Variants in ZNF45 observed in about 807,000 individuals in gnomAD.
ZNF45 encodes zinc finger protein 45.
In ZNF45, 4 loss-of-function variants were observed where a neutral mutation model predicts 12.0. The ratio of observed to expected loss-of-function variants is 0.33; its 90% CI spans 0.16 to 0.76. The LOEUF (loss-of-function observed/expected upper bound fraction) is 0.76, where lower values mean the gene tolerates loss of function less well. Ranked by LOEUF, ZNF45 falls within the 30% of genes least tolerant of loss-of-function variation. ZNF45 has a pLI of 0.60. For synonymous variants in ZNF45, 272 were observed against 279.6 expected (o/e 0.97, Z 0.27); for missense variants, 700 against 813.0 (o/e 0.86, Z 1.69).
chr19:43,927,613 AG>A (rs1973793796), intron 3 of ZNF45, among the ~76,000 whole-genome samples: 1 of 152,200 alleles, frequency 6.6e-6, no homozygotes, highest in Non-Finnish European at 1.5e-5. Context: ...AGATGAAAGG[AG>A]GGGCTGTCAC....
Position 43,915,087 on chromosome 19 carries a change from T to C in ZNF45, c.349A>G (p.Lys117Glu). 1 of 1,611,378 alleles carries C rather than the reference T, an allele frequency of 6.2e-7. No homozygotes were observed. Among genetic ancestry groups the C allele is most frequent in the Non-Finnish European group, 8.5e-7 (1 of 1,178,954 alleles). ...ATATTTACCACAGAATCTTGATACTTGATTAACTCTCTTGTAATCTGTTGC... is the reference window on the plus strand; with the variant it reads ...ATATTTACCACAGAATCTTGATACTCGATTAACTCTCTTGTAATCTGTTGC... ...IWQQITRELI[K>E]YQDSVVNIQR... The change falls in exon 10 of 10, where the codon AAG (lysine) becomes GAG (glutamate). Residue 117 changes from lysine (K) to glutamate (E), a missense_variant. Lys to Glu is a moderately conservative substitution (Grantham distance 56, BLOSUM62 1). Transcript: ENST00000269973.
At chr19:43,921,654 T>C (rs533825842) in intron 7 of ZNF45, among the ~76,000 whole-genome samples, 1 of 152,280 alleles carries the variant, frequency 6.6e-6, no homozygotes, top group South Asian at 2.1e-4. Flanking sequence ...TTGGAAAAAA[T>C]GGTTATTTGT....
At chr19:43,918,825 C>A in intron 9 of ZNF45, 45 bp downstream of exon 9, 1 of 1,565,182 alleles carries the variant, frequency 6.4e-7, no homozygotes, top group Non-Finnish European at 8.8e-7. Flanking sequence ...TGGAATATCT[C>A]CAAGGCTAAC....
At chr19:43,925,934 GAA>G (rs1350944751) in intron 3 of ZNF45, among the ~76,000 whole-genome samples, 1 of 152,184 alleles carries the variant, frequency 6.6e-6, no homozygotes, top group Admixed American at 6.5e-5. Flanking sequence ...CACCCAGCCT[GAA>G]ATACTCTTTT....
chr19:43,916,167 A>G (rs1381792721), intron 9 of ZNF45, among the ~76,000 whole-genome samples: 1 of 151,926 alleles, frequency 6.6e-6, no homozygotes, highest in African/African-American at 2.4e-5. Context: ...CCAGGCTGGA[A>G]TGCAGTGGCA....
intron 2 of ZNF45, among the ~76,000 whole-genome samples, chr19:43,934,079 C>G (rs1254842162): frequency 6.6e-6 from 1 of 152,146 alleles, no homozygotes; most frequent in Admixed American, 6.5e-5. Context: ...AACTGTGAGA[C>G]CAAGGGTATT....
chr19:43,913,564 G>A lies in ZNF45; in HGVS notation c.1872C>T (p.Ser624=). 1 of 1,611,840 alleles carries A rather than the reference G, an allele frequency of 6.2e-7. No individual in the cohort carries two copies. The highest frequency in any genetic ancestry group is 2.2e-5 in the East Asian group (1 of 44,762). ...CEECGKVFSW[S]SYLQAHQRVH... Reference sequence around the variant, plus strand: ...CTCTTTGATGGGCTTGAAGGTATGAGCTCCAGCTGAAGACTTTCCCACATT... The same window carrying A: ...CTCTTTGATGGGCTTGAAGGTATGAACTCCAGCTGAAGACTTTCCCACATT... The change falls in exon 10 of 10, where the codon AGC becomes AGT. Residue 624 remains serine, a synonymous_variant. Coordinates refer to ENST00000269973, the MANE Select transcript of ZNF45 (RefSeq NM_003425.4).
rs1568447403 is a variant in ZNF45, at chr19:43,914,283, CT to C, written c.1152del (p.Glu385ArgfsTer155). ...CACTCCTCACATTTGTATGGCTTCTCTCCAGTGTGGCTTATCTGATGGGCCT... is the reference window on the plus strand; with the variant it reads ...CACTCCTCACATTTGTATGGCTTCTCCCAGTGTGGCTTATCTGATGGGCCT... The part of the protein sequence containing the change: ...HLQAHQISHT[G>X]EKPYKCEECG... On this transcript the variant is annotated frameshift_variant, in exon 10 of 10. Coordinates refer to ENST00000269973, the MANE Select transcript of ZNF45 (RefSeq NM_003425.4). LOFTEE classifies it low-confidence loss of function (END_TRUNC). 3 of 1,613,246 alleles carry C rather than the reference CT, an allele frequency of 1.9e-6. No homozygotes were observed.
At chr19:43,918,267 T>C (rs1246405377) in intron 9 of ZNF45, among the ~76,000 whole-genome samples, 2 of 152,208 alleles carry the variant, frequency 1.3e-5, no homozygotes, top group Non-Finnish European at 2.9e-5. Context: ...AGATTCACTA[T>C]TAACAGCTAC....
chr19:43,915,213 A>T lies in ZNF45; in HGVS notation c.236-13T>A. ...AGATTCTTGGCTCCTAAAAGGATAA[A>T]GAAAATGTGGAGATGGGGCATGTGA... On this transcript the variant is annotated splice_polypyrimidine_tract_variant and intron_variant, in intron 9 of 9. Coordinates refer to ENST00000269973, the MANE Select transcript of ZNF45 (RefSeq NM_003425.4). 1 of 1,481,596 alleles carries T rather than the reference A, an allele frequency of 6.7e-7. No individual in the cohort carries two copies. Among genetic ancestry groups the T allele is most frequent in the South Asian group, 1.5e-5 (1 of 66,668 alleles). 91.8% of individuals were successfully genotyped at this position (1,481,596 alleles called of 1,614,324 possible).
chr19:43,926,519 C>A (rs1321857750), intron 3 of ZNF45: 1 of 152,206 alleles, frequency 6.6e-6, no homozygotes, highest in Non-Finnish European at 1.5e-5. Context: ...ATTACTACTT[C>A]ATTAAATAGA....
chr19:43,926,295 C>T (rs1339344300), intron 3 of ZNF45: 3 of 152,116 alleles, frequency 2.0e-5, no homozygotes, highest in Non-Finnish European at 2.9e-5. Context: ...GGTCTTTCAC[C>T]ATATTTGCTG....
At chr19:43,920,535 T>TGGGGGGGGGGGGGGGGGGGGGGG (rs386389071) in intron 7 of ZNF45, among the ~76,000 whole-genome samples, 1 of 22,346 alleles carries the variant, frequency 4.5e-5, no homozygotes, top group Non-Finnish European at 1.2e-4. Context: ...TGTTGCCGGG[T>TGGGGGGGGGGGGGGGGGGGGGGG]GGGGGGGGGG....
intron 7 of ZNF45, among the ~76,000 whole-genome samples, chr19:43,920,821 C>G (rs1204314673): frequency 6.6e-6 from 1 of 151,840 alleles, no homozygotes; most frequent in Admixed American, 6.6e-5. Flanking sequence ...AGGCTGGTCT[C>G]GAACTCCTGA....
intron 7 of ZNF45, 90 bp downstream of exon 7, chr19:43,922,081 C>T: frequency 7.2e-7 from 1 of 1,389,888 alleles, no homozygotes; most frequent in African/African-American, 1.4e-5. Context: ...CTACCGTTCT[C>T]CTTCATCTTC....
Position 43,919,586 on chromosome 19 carries a change from A to G in ZNF45, c.129T>C (p.Asn43=), listed in dbSNP as rs539297443. Residue 43 remains asparagine (N), a synonymous_variant, in exon 8 of 10, where the codon AAT becomes AAC. Coordinates refer to ENST00000269973, the MANE Select transcript of ZNF45 (RefSeq NM_003425.4). ...GCCTGTCCTCACCCACTGAGACCAC[A>G]TTCCTGAAGTTCTCCAGCATCACAT... is the stretch of plus-strand genomic sequence containing the variant. ...YRDVMLENFR[N]VVSVGHQSTP... 9 of 1,612,470 alleles carry G rather than the reference A, an allele frequency of 5.6e-6. No individual in the cohort carries two copies. In the African/African-American group the frequency reaches 1.2e-4, roughly 22 times the overall value.
At chr19:43,924,998 T>G (rs894082822) in intron 4 of ZNF45, 2 of 152,214 alleles carry the variant, frequency 1.3e-5, no homozygotes, top group Admixed American at 1.3e-4. Flanking sequence ...CCCCTCAAAA[T>G]TCTTATGTTG....
chr19:43,920,635 C>G (rs888368485), intron 7 of ZNF45, among the ~76,000 whole-genome samples: 12 of 122,104 alleles, frequency 9.8e-5, no homozygotes, highest in African/African-American at 3.0e-4. Context: ...GAGCCTTGCT[C>G]TGTTCCCCAG....
At chr19:43,922,113 A>G (rs413093) in intron 7 of ZNF45, 58 bp downstream of exon 7, 798,639 of 1,578,148 alleles carry the variant, frequency 0.51, 207,454 homozygotes, top group East Asian at 0.83. Flanking sequence ...AATAAGGTGT[A>G]TGTAATCTTT....
Sources: allele counts gnomAD v4.1 joint callset (sites outside exome capture counted in the v4.1 genomes callset), GRCh38; gene constraint gnomAD v4.1.1; transcripts MANE v1.5; gene names NCBI Gene and HGNC (gene_info 2026-07-23, HGNC 2026-07-21).